Variants in EYS observed in about 807,000 individuals in gnomAD.
The protein encoded by EYS is EGF-like photoreceptor maintenance factor.
EYS carries 250 observed loss-of-function variants against 282.1 expected under a neutral mutation model. The ratio of observed to expected loss-of-function variants is 0.89; its 90% CI spans 0.80 to 0.98. EYS has a LOEUF of 0.98. EYS is among the 50% of genes least tolerant of loss of function. The pLI, the probability that EYS is intolerant of heterozygous loss-of-function variation, is 0.00. For synonymous variants in EYS, 1,355 were observed against 1,282.9 expected (o/e 1.06, Z -1.20); for missense variants, 4,016 against 3,709.0 (o/e 1.08, Z -2.15).
chr6:64,722,855 C>G (rs887485731), intron 22 of EYS, among the ~76,000 whole-genome samples: 3 of 152,044 alleles, frequency 2.0e-5, no homozygotes, highest in Admixed American at 6.6e-5. Context: ...AAGGATTACC[C>G]CTTTTTCTTT....
At chr6:64,033,620 T>A (rs1424388700) in intron 33 of EYS, among the ~76,000 whole-genome samples, 1 of 152,114 alleles carries the variant, frequency 6.6e-6, no homozygotes, top group African/African-American at 2.4e-5. Context: ...ATTGTCAAAA[T>A]TTTTTATCTA....
intron 12 of EYS, among the ~76,000 whole-genome samples, chr6:65,217,424 A>G: frequency 6.6e-6 from 1 of 152,082 alleles, no homozygotes; most frequent in Non-Finnish European, 1.5e-5. Context: ...ATAATAAGGT[A>G]TTAAACAATG....
At chr6:64,558,301 T>C (rs1765293670) in intron 26 of EYS, among the ~76,000 whole-genome samples, 1 of 152,090 alleles carries the variant, frequency 6.6e-6, no homozygotes, top group Non-Finnish European at 1.5e-5. Flanking sequence ...TAATTTTCAG[T>C]CAGGGGAAAT....
At chr6:64,882,934 T>C (rs866807084) in intron 19 of EYS, among the ~76,000 whole-genome samples, 2 of 151,434 alleles carry the variant, frequency 1.3e-5, no homozygotes, top group South Asian at 2.1e-4. Context: ...AAATGGGTGA[T>C]ATAGAAGAAA....
At chr6:64,684,145 G>A (rs537019337) in intron 22 of EYS, among the ~76,000 whole-genome samples, 170 of 152,158 alleles carry the variant, frequency 1.1e-3, no homozygotes, top group Non-Finnish European at 2.2e-3. Context: ...ACAATATCTT[G>A]TATTCTATAC....
chr6:64,315,246 A>T (rs768957365), intron 29 of EYS, among the ~76,000 whole-genome samples: 13 of 152,188 alleles, frequency 8.5e-5, no homozygotes, highest in Non-Finnish European at 1.9e-4. Flanking sequence ...ATCCCTGAAT[A>T]ATAACTTCTG....
At chr6:64,670,956 G>A (rs1415691536) in intron 22 of EYS, among the ~76,000 whole-genome samples, 1 of 151,516 alleles carries the variant, frequency 6.6e-6, no homozygotes, top group East Asian at 1.9e-4. Context: ...TCTGCTGCTG[G>A]AACCCATTTC....
intron 12 of EYS, among the ~76,000 whole-genome samples, chr6:65,175,231 TCTA>T (rs1416036043): frequency 7.9e-5 from 12 of 151,444 alleles, no homozygotes; most frequent in Non-Finnish European, 1.8e-4. Flanking sequence ...TGAATTTGGA[TCTA>T]CTGAGTTTGA....
chr6:65,573,101 G>T (rs1288381484), intron 2 of EYS, among the ~76,000 whole-genome samples: 1 of 152,036 alleles, frequency 6.6e-6, no homozygotes, highest in East Asian at 1.9e-4. Context: ...TTCACCTTGG[G>T]AGTGATGTCA....
At chr6:64,406,644 C>T (rs760672262) in intron 28 of EYS, among the ~76,000 whole-genome samples, 13 of 152,172 alleles carry the variant, frequency 8.5e-5, no homozygotes, top group Middle Eastern at 3.4e-3. Context: ...AAAAAGTGAG[C>T]GAAGGATATG....
At chr6:64,054,135 T>C (rs1770904506) in intron 33 of EYS, among the ~76,000 whole-genome samples, 1 of 152,158 alleles carries the variant, frequency 6.6e-6, no homozygotes, top group Non-Finnish European at 1.5e-5. Flanking sequence ...GTAGTTTACA[T>C]GAGTGAAAAG....
rs572216769 is a variant in EYS, at chr6:65,057,737, A to C, written c.2024-10T>G. On this transcript the variant is annotated splice_polypyrimidine_tract_variant and intron_variant, in intron 12 of 42. Transcript: ENST00000503581. ...ATTTCACATTGCGTACCTTTGGAAA[A>C]TAGGAAAAAAAAATGTTAAGTGTTA... The C allele has an allele frequency of 1.7e-5, 25 of 1,455,948 alleles. No homozygotes were observed. Among genetic ancestry groups the C allele is most frequent in the East Asian group, 2.5e-5 (1 of 40,544 alleles). 90.2% of individuals were successfully genotyped at this position (1,455,948 alleles called of 1,614,324 possible).
chr6:63,724,664 AGAGATCT>A (rs1211702602), intron 42 of EYS, among the ~76,000 whole-genome samples: 2 of 152,168 alleles, frequency 1.3e-5, no homozygotes, highest in African/African-American at 4.8e-5. Flanking sequence ...TTCAAAAATC[AGAGATCT>A]GAGATCATCT....
At chr6:64,640,686 T>A (rs188917441) in intron 22 of EYS, among the ~76,000 whole-genome samples, 1 of 152,098 alleles carries the variant, frequency 6.6e-6, no homozygotes, top group Non-Finnish European at 1.5e-5. Flanking sequence ...AACCTGCACA[T>A]TGTGCACATG....
At chr6:63,885,238 G>T (rs559927852) in intron 35 of EYS, among the ~76,000 whole-genome samples, 1 of 152,198 alleles carries the variant, frequency 6.6e-6, no homozygotes, top group South Asian at 2.1e-4. Context: ...CCAATTACTG[G>T]CCAAGTAGGC....
At chr6:65,317,843 T>C (rs1433797189) in intron 11 of EYS, among the ~76,000 whole-genome samples, 1 of 50,482 alleles carries the variant, frequency 2.0e-5, no homozygotes, top group Non-Finnish European at 3.7e-5. Context: ...TCTTTCTTTC[T>C]TTCTTTCTTT....
At chr6:64,227,791 T>A (rs935383269) in intron 31 of EYS, among the ~76,000 whole-genome samples, 1 of 152,032 alleles carries the variant, frequency 6.6e-6, no homozygotes, top group African/African-American at 2.4e-5. Flanking sequence ...AAACATTATT[T>A]TCATGGCACT....
chr6:65,412,023 T>C (rs1767038868), intron 5 of EYS, among the ~76,000 whole-genome samples: 1 of 152,052 alleles, frequency 6.6e-6, no homozygotes. Context: ...AATTTTGGGA[T>C]GTAATTAGAT....
intron 1 of EYS, among the ~76,000 whole-genome samples, chr6:65,695,668 T>G (rs1198110781): frequency 3.9e-5 from 6 of 151,970 alleles, no homozygotes; most frequent in Non-Finnish European, 8.8e-5. Flanking sequence ...CTTAGCAATG[T>G]TATATCTATA....
Sources: gnomAD v4.1 joint callset for allele counts (sites outside exome capture counted in the v4.1 genomes callset) on GRCh38, gnomAD v4.1.1 for gene constraint, MANE v1.5 for transcripts, NCBI Gene and HGNC (gene_info 2026-07-23, HGNC 2026-07-21) for gene names.